The following PCDHA6 variants were observed in gnomAD, a reference collection of about 807,000 sequenced individuals.
PCDHA6 encodes protocadherin alpha 6.
PCDHA6 carries 55 observed loss-of-function variants against 60.3 expected under a neutral mutation model. That is an observed-to-expected ratio of 0.91 (90% confidence interval 0.73 to 1.14). PCDHA6 has a LOEUF of 1.14. Among genes scored for constraint, PCDHA6 ranks in the 50% most tolerant of loss-of-function variants. The probability of loss-of-function intolerance (pLI) is 0.00; values close to 1 mark genes in which losing one functional copy is unlikely to be tolerated. For synonymous variants in PCDHA6, 652 were observed against 557.9 expected (o/e 1.17, Z -2.38); for missense variants, 1,327 against 1,256.5 (o/e 1.06, Z -0.85).
rs114351206 is a variant in PCDHA6 at position 140,991,799 on chromosome 5, G to A, written c.2542+9236G>A. Among the ~76,000 whole-genome samples the A allele has an allele frequency of 3.8e-3, 580 of 152,160 alleles. 3 individuals are homozygous for A. The highest frequency in any genetic ancestry group is 0.013 in the African/African-American group (548 of 41,490). On this transcript the variant is annotated intron_variant, in intron 3 of 3. Coordinates refer to ENST00000529310, the MANE Select transcript of PCDHA6 (RefSeq NM_018909.4). ...ACTCTGCCCATTTCCCAATCTCAAG[G>A]CCACTTCCGCATTTTTAGGCATTTA... is the stretch of plus-strand genomic sequence containing the variant.
In PCDHA6 at chr5:140,963,375, C is replaced by A. The variant is rs1425392684; in HGVS notation, c.2395-15574C>A. On this transcript the variant is annotated intron_variant, in intron 1 of 3. Transcript: ENST00000529310. ...CTTTTCAAAGAACATTAATTGAGCA[C>A]CTCTGTGCCAAGCTCCCTACTGGAT... is the stretch of plus-strand genomic sequence containing the variant. Among the ~76,000 whole-genome samples, 15 of 152,176 alleles carry A rather than the reference C, an allele frequency of 9.9e-5. 1 individual carries two copies. The highest frequency in any genetic ancestry group is 5.2e-4 in the Admixed American group (8 of 15,290).
At chr5:140,953,284 T>G (rs2094869714) in intron 1 of PCDHA6, among the ~76,000 whole-genome samples, 1 of 152,160 alleles carries the variant, frequency 6.6e-6, no homozygotes, top group Admixed American at 6.5e-5. Flanking sequence ...TCTTTATATG[T>G]GATTCAGGGA....
At chr5:140,856,568 A>T (rs1554148862) in intron 1 of PCDHA6, 2 of 1,597,928 alleles carry the variant, frequency 1.3e-6, no homozygotes, top group Middle Eastern at 3.3e-4. Flanking sequence ...ACTCAGTCCA[A>T]ATGAGTATTT....
At chr5:140,856,118 G>T in intron 1 of PCDHA6, 2 of 1,598,234 alleles carry the variant, frequency 1.3e-6, no homozygotes, top group Non-Finnish European at 1.7e-6. Flanking sequence ...CGCAGCCTGG[G>T]AGGTGGGGAG....
At chr5:140,850,181 G>C in intron 1 of PCDHA6, 1 of 1,593,852 alleles carries the variant, frequency 6.3e-7, no homozygotes, top group South Asian at 1.1e-5. Context: ...ACGACAATGC[G>C]CCGGCGCTGC....
At chr5:140,855,743 G>A (rs2043601940) in intron 1 of PCDHA6, 1 of 316,702 alleles carries the variant, frequency 3.2e-6, no homozygotes, top group African/African-American at 2.1e-5. Flanking sequence ...GAGACGTAAT[G>A]TGAGGCTTTG....
chr5:140,857,681 G>C lies in PCDHA6; in HGVS notation c.2394+27196G>C, dbSNP rs2044790199. 3 of 1,596,838 alleles carry C rather than the reference G, an allele frequency of 1.9e-6. No individual in the cohort carries two copies. In the African/African-American group the frequency reaches 4.0e-5, roughly 22 times the overall value. The stretch of plus-strand genomic sequence containing the variant: ...GCGCGATGGGGGCGTGCCGCCTCTG[G>C]GCAGCAACTTGACGCTGCAGGTGTT... On this transcript the variant is annotated intron_variant, in intron 1 of 3. Transcript: ENST00000529310.
At chr5:140,886,405 GT>G (rs2060969795) in intron 1 of PCDHA6, among the ~76,000 whole-genome samples, 1 of 151,966 alleles carries the variant, frequency 6.6e-6, no homozygotes, top group Admixed American at 6.6e-5. Context: ...TCACAAATAT[GT>G]TTTCCTCCTA....
intron 1 of PCDHA6, among the ~76,000 whole-genome samples, chr5:140,846,109 A>C (rs1780201260): frequency 6.7e-6 from 1 of 149,748 alleles, no homozygotes; most frequent in Non-Finnish European, 1.5e-5. Context: ...TGTGTAGACT[A>C]TCTTACTTTG....
At chr5:140,925,671 A>AATAATAATAATAATG (rs1445697337) in intron 1 of PCDHA6, among the ~76,000 whole-genome samples, 106 of 148,180 alleles carry the variant, frequency 7.2e-4, no homozygotes, top group African/African-American at 2.6e-3. Context: ...TAATAATAAT[A>AATAATAATAATAATG]ATAATAAAGC....
In PCDHA6 at chr5:140,967,370, G is replaced by A. The variant is rs1554229504; in HGVS notation, c.2395-11579G>A. ...CGAGCTGGACCTTAAGCCCCTGCAGGAGAACAGTAAAGTGCTTGAGCTGGT... is the reference window on the plus strand; with the variant it reads ...CGAGCTGGACCTTAAGCCCCTGCAGAAGAACAGTAAAGTGCTTGAGCTGGT... On this transcript the variant is annotated intron_variant, in intron 1 of 3. Transcript: ENST00000529310. The A allele has an allele frequency of 3.1e-6, 5 of 1,607,662 alleles. No individual in the cohort carries two copies. The South Asian group carries it at 3.3e-5, about 11-fold the overall frequency.
chr5:140,969,228 G>C, intron 1 of PCDHA6: 1 of 1,614,176 alleles, frequency 6.2e-7, no homozygotes, highest in Non-Finnish European at 8.5e-7. Flanking sequence ...GGGCCTTCGG[G>C]AGCCCAAGCA....
At chr5:140,852,905 G>C in intron 1 of PCDHA6, 3 of 819,178 alleles carry the variant, frequency 3.7e-6, no homozygotes, top group Non-Finnish European at 4.5e-6. Flanking sequence ...TTGAGTCAGA[G>C]TCTCGCTCTG....
intron 1 of PCDHA6, chr5:140,848,677 C>T: frequency 6.3e-7 from 1 of 1,592,256 alleles, no homozygotes; most frequent in Non-Finnish European, 8.6e-7. Context: ...GAGCTGGTGC[C>T]GCGCCTGTTC....
intron 1 of PCDHA6, chr5:140,876,550 C>T: frequency 6.2e-7 from 1 of 1,614,186 alleles, no homozygotes; most frequent in Non-Finnish European, 8.5e-7. Context: ...GCTCCCTGTG[C>T]AAGAGGATGC....
At chr5:140,941,214 C>CCTTTCTTTCTTCCTTTCTTT (rs2092876516) in intron 1 of PCDHA6, among the ~76,000 whole-genome samples, 18 of 122,412 alleles carry the variant, frequency 1.5e-4, no homozygotes, top group Non-Finnish European at 2.9e-4. Context: ...TTTCTTTCTT[C>CCTTTCTTTCTTCCTTTCTTT]CTTTCTTTCT....
intron 1 of PCDHA6, among the ~76,000 whole-genome samples, chr5:140,900,073 G>C (rs1490261769): frequency 6.6e-6 from 1 of 152,072 alleles, no homozygotes; most frequent in South Asian, 2.1e-4. Context: ...GCCTCCAAAA[G>C]TGCTGCAGTT....
intron 2 of PCDHA6, chr5:140,982,223 TA>T: frequency 5.2e-6 from 3 of 580,212 alleles, no homozygotes; most frequent in East Asian, 4.0e-5. Context: ...ATGGCGTTAA[TA>T]AAAAACAGAA....
At chr5:140,957,725 A>T (rs1385506394) in intron 1 of PCDHA6, among the ~76,000 whole-genome samples, 1 of 152,156 alleles carries the variant, frequency 6.6e-6, no homozygotes, top group Non-Finnish European at 1.5e-5. Context: ...AAAGAAGCAG[A>T]ATTATATATA....
Sources: allele counts gnomAD v4.1 joint callset (sites outside exome capture counted in the v4.1 genomes callset), GRCh38; gene constraint gnomAD v4.1.1; transcripts MANE v1.5; gene names NCBI Gene and HGNC (gene_info 2026-07-23, HGNC 2026-07-21).